Variants in PDE1A observed in about 807,000 individuals in gnomAD.
PDE1A encodes phosphodiesterase 1A, also known as dual specificity calcium/calmodulin-dependent 3',5'-cyclic nucleotide phosphodiesterase 1A.
PDE1A carries 35 observed loss-of-function variants against 61.7 expected under a neutral mutation model. That is an observed-to-expected ratio of 0.57 (90% CI 0.43 to 0.75). The LOEUF is 0.75. Among genes scored for constraint, PDE1A ranks in the 30% least tolerant of loss-of-function variants. PDE1A has a pLI of 0.00. For synonymous variants in PDE1A, 232 were observed against 213.2 expected (o/e 1.09, Z -0.77); for missense variants, 597 against 630.6 (o/e 0.95, Z 0.57).
intron 1 of PDE1A, among the ~76,000 whole-genome samples, chr2:182,331,264 G>A (rs1697389576): frequency 6.6e-6 from 1 of 152,122 alleles, no homozygotes; most frequent in South Asian, 2.1e-4. Flanking sequence ...TCTACAAAAG[G>A]AGATTTTTAA....
chr2:182,570,980 T>TTA, the PDE1A span, among the ~76,000 whole-genome samples: 2 of 152,204 alleles, frequency 1.3e-5, no homozygotes, highest in African/African-American at 2.4e-5. Context: ...GATATGGATA[T>TTA]TATAACAAAA....
At chr2:182,246,339 A>G (rs1012609127) in intron 2 of PDE1A, among the ~76,000 whole-genome samples, 3 of 151,612 alleles carry the variant, frequency 2.0e-5, no homozygotes, top group Non-Finnish European at 2.9e-5. Context: ...CCTGCCCCCA[A>G]TAGTAAGCAT....
chr2:182,329,399 T>C (rs1359660545), intron 1 of PDE1A, among the ~76,000 whole-genome samples: 1 of 152,158 alleles, frequency 6.6e-6, no homozygotes, highest in Non-Finnish European at 1.5e-5. Flanking sequence ...TTTATTATTT[T>C]TTTTTTGGAG....
At chr2:182,167,193 C>A (rs1464193737), downstream of PDE1A, among the ~76,000 whole-genome samples, 1 of 152,072 alleles carries the variant, frequency 6.6e-6, no homozygotes, top group Non-Finnish European at 1.5e-5. Context: ...TAAGAAAAAC[C>A]ACATTCTTGG....
chr2:182,395,764 C>T (rs753249721), intron 1 of PDE1A, among the ~76,000 whole-genome samples: 52 of 152,138 alleles, frequency 3.4e-4, no homozygotes, highest in Non-Finnish European at 5.1e-4. Context: ...TTTGGAAGGC[C>T]CCCATAGGTG....
In PDE1A at chr2:182,358,984, T is replaced by G. The variant is rs1404177922; in HGVS notation, c.53+67594A>C. Reference sequence around the variant, plus strand: ...TCCCTTCCTTCCTTTCCTTCCTTCCTTCCTTCCTTCCTCTGTCCTTTCTTC... The same window carrying G: ...TCCCTTCCTTCCTTTCCTTCCTTCCGTCCTTCCTTCCTCTGTCCTTTCTTC... On this transcript the variant is annotated intron_variant, in intron 1 of 13. Transcript: ENST00000351439. 2.0e-5 allele frequency among the ~76,000 whole-genome samples: 3 copies of G among 151,996 alleles called. No individual in the cohort carries two copies. In the East Asian group the frequency reaches 5.8e-4, roughly 29 times the overall value.
intron 2 of PDE1A, among the ~76,000 whole-genome samples, chr2:182,499,647 G>C (rs926750665): frequency 6.6e-6 from 1 of 152,172 alleles, no homozygotes; most frequent in African/African-American, 2.4e-5. Flanking sequence ...TAGCAATACC[G>C]AGAGTTAAAA....
the PDE1A span, among the ~76,000 whole-genome samples, chr2:182,612,330 T>C: frequency 6.6e-6 from 1 of 152,328 alleles, no homozygotes; most frequent in Non-Finnish European, 1.5e-5. Flanking sequence ...TAACTTTTCA[T>C]AGACTATTGT....
chr2:182,261,509 A>C (rs1185725579), intron 2 of PDE1A, among the ~76,000 whole-genome samples: 1 of 152,188 alleles, frequency 6.6e-6, no homozygotes, highest in African/African-American at 2.4e-5. Flanking sequence ...AAAAATTTGG[A>C]GTAAATATTA....
At chr2:182,249,934 T>C (rs535388702) in intron 2 of PDE1A, among the ~76,000 whole-genome samples, 3 of 152,292 alleles carry the variant, frequency 2.0e-5, no homozygotes, top group Non-Finnish European at 2.9e-5. Context: ...CTAATTATTA[T>C]TGATACTTCT....
chr2:182,208,876 C>A (rs1180991107), intron 7 of PDE1A, among the ~76,000 whole-genome samples: 1 of 152,184 alleles, frequency 6.6e-6, no homozygotes, highest in Non-Finnish European at 1.5e-5. Flanking sequence ...TGCCTGTAAC[C>A]CCATTATATC....
chr2:182,156,534 C>T (rs968814618), intron 13 of PDE1A, among the ~76,000 whole-genome samples: 1 of 147,698 alleles, frequency 6.8e-6, no homozygotes, highest in African/African-American at 2.4e-5. Flanking sequence ...TCTGGAAAAG[C>T]ACAACAGTGA....
chr2:182,562,108 T>C, the PDE1A span, among the ~76,000 whole-genome samples: 387 of 151,676 alleles, frequency 2.6e-3, 3 homozygotes, highest in African/African-American at 8.9e-3. Context: ...ATAGGAGTGG[T>C]AAGAGAGGGC....
chr2:182,409,816 AT>A (rs1363982338), intron 1 of PDE1A, among the ~76,000 whole-genome samples: 10 of 152,216 alleles, frequency 6.6e-5, no homozygotes, highest in Non-Finnish European at 1.5e-4. Context: ...TTAGTAAAAA[AT>A]ATTAATATAA....
the PDE1A span, among the ~76,000 whole-genome samples, chr2:182,635,016 T>C: frequency 6.6e-6 from 1 of 152,154 alleles, no homozygotes; most frequent in Non-Finnish European, 1.5e-5. Flanking sequence ...ATAATCTGAA[T>C]TTTAGAATTA....
the PDE1A span, among the ~76,000 whole-genome samples, chr2:182,605,627 A>G: frequency 6.6e-6 from 1 of 152,232 alleles, no homozygotes; most frequent in Non-Finnish European, 1.5e-5. Context: ...TGATGGCTAC[A>G]TAACCACACC....
chr2:182,418,718 C>T (rs1225327709), intron 1 of PDE1A, among the ~76,000 whole-genome samples: 1 of 152,212 alleles, frequency 6.6e-6, no homozygotes, highest in East Asian at 1.9e-4. Flanking sequence ...CAACACTGGG[C>T]TTGGCCACGT....
chr2:182,515,846 G>C (rs957657735), intron 2 of PDE1A, among the ~76,000 whole-genome samples: 1 of 152,126 alleles, frequency 6.6e-6, no homozygotes, highest in African/African-American at 2.4e-5. Flanking sequence ...GTCAGGGTTA[G>C]ATGGAGGTAC....
chr2:182,301,587 AT>A (rs1695247774), intron 1 of PDE1A, among the ~76,000 whole-genome samples: 1 of 152,218 alleles, frequency 6.6e-6, no homozygotes, highest in South Asian at 2.1e-4. Flanking sequence ...CTACCTGATC[AT>A]TTTGTTATCC....
Sources: allele counts gnomAD v4.1 joint callset (sites outside exome capture counted in the v4.1 genomes callset), GRCh38; gene constraint gnomAD v4.1.1; transcripts MANE v1.5; gene names NCBI Gene and HGNC (gene_info 2026-07-23, HGNC 2026-07-21).